The following STK39 variants were observed in gnomAD, a reference collection of about 807,000 sequenced individuals.
The protein encoded by STK39 is serine/threonine kinase 39.
A neutral mutation model predicts 77.8 loss-of-function variants in STK39; 20 were observed. The ratio of observed to expected loss-of-function variants is 0.26; its 90% CI spans 0.18 to 0.37. The LOEUF (loss-of-function observed/expected upper bound fraction) is 0.37, where lower values mean the gene tolerates loss of function less well. Ranked by LOEUF, STK39 falls within the 10% of genes least tolerant of loss-of-function variation. The probability of loss-of-function intolerance (pLI) is 1.00; values close to 1 mark genes in which losing one functional copy is unlikely to be tolerated. For synonymous variants in STK39, 246 were observed against 234.1 expected (o/e 1.05, Z -0.47); for missense variants, 479 against 656.5 (o/e 0.73, Z 2.95).
intron 1 of STK39, among the ~76,000 whole-genome samples, chr2:168,223,751 T>A (rs1690236466): frequency 6.6e-6 from 1 of 151,998 alleles, no homozygotes; most frequent in Non-Finnish European, 1.5e-5. Context: ...CTCGCAGGAA[T>A]GAGGAACGGA....
At chr2:168,170,701 C>T (rs1688801910) in intron 2 of STK39, among the ~76,000 whole-genome samples, 1 of 152,168 alleles carries the variant, frequency 6.6e-6, no homozygotes, top group African/African-American at 2.4e-5. Context: ...AGGAGGGACA[C>T]AGACGACTGC....
Position 168,061,797 on chromosome 2 carries a change from T to C in STK39, c.1376+1703A>G, listed in dbSNP as rs185083982. Among the ~76,000 whole-genome samples the C allele has an allele frequency of 1.6e-3, 241 of 152,074 alleles. 2 individuals are homozygous for C. Among genetic ancestry groups the C allele is most frequent in the African/African-American group, 5.6e-3 (231 of 41,480 alleles). ...AATATACAAATGGCTCTCAGAAAAA[T>C]AAGGGAACACATTTGTCATATTGCT... is the stretch of plus-strand genomic sequence containing the variant. On this transcript the variant is annotated intron_variant, in intron 14 of 17. Coordinates refer to ENST00000355999, the MANE Select transcript of STK39 (RefSeq NM_013233.3).
At chr2:168,048,558 C>T (rs939251047) in intron 14 of STK39, among the ~76,000 whole-genome samples, 13 of 151,844 alleles carry the variant, frequency 8.6e-5, no homozygotes, top group Non-Finnish European at 1.8e-4. Flanking sequence ...ATGTTCTTGT[C>T]TCTCATGAAT....
intron 14 of STK39, among the ~76,000 whole-genome samples, chr2:168,024,799 T>G (rs1186772675): frequency 6.6e-6 from 1 of 152,232 alleles, no homozygotes; most frequent in Non-Finnish European, 1.5e-5. Flanking sequence ...AAGCAGGAAC[T>G]GCTCTTATCC....
chr2:168,075,749 C>T (rs1686062654), intron 10 of STK39, among the ~76,000 whole-genome samples: 1 of 151,926 alleles, frequency 6.6e-6, no homozygotes, highest in East Asian at 1.9e-4. Context: ...CTTGCAGAAC[C>T]TGACAATTAT....
At chr2:168,201,758 T>TAATCTGCCCTTCCTCACCCC (rs1689617839) in intron 1 of STK39, among the ~76,000 whole-genome samples, 2 of 152,064 alleles carry the variant, frequency 1.3e-5, no homozygotes, top group Non-Finnish European at 2.9e-5. Flanking sequence ...ACCCCCCTTC[T>TAATCTGCCCTTCCTCACCCC]AATCTGCCCT....
intron 1 of STK39, among the ~76,000 whole-genome samples, chr2:168,203,485 T>A (rs1310644283): frequency 1.3e-5 from 2 of 152,026 alleles, no homozygotes; most frequent in Non-Finnish European, 2.9e-5. Context: ...TCATTTTGCC[T>A]TGGTCATATA....
chr2:168,136,173 C>A (rs1468132236), intron 8 of STK39, among the ~76,000 whole-genome samples: 1 of 151,814 alleles, frequency 6.6e-6, no homozygotes, highest in African/African-American at 2.4e-5. Context: ...TCGAGATCAT[C>A]TTGGCCAACA....
At chr2:167,980,922 TTAAAG>T (rs4000940) in intron 16 of STK39, among the ~76,000 whole-genome samples, 5,503 of 151,976 alleles carry the variant, frequency 0.036, 344 homozygotes, top group African/African-American at 0.12. Flanking sequence ...TCCAAAACCT[TTAAAG>T]TAAAGGTTTA....
At chr2:168,127,970 G>A (rs1297813871) in intron 10 of STK39, among the ~76,000 whole-genome samples, 1 of 152,112 alleles carries the variant, frequency 6.6e-6, no homozygotes, top group African/African-American at 2.4e-5. Flanking sequence ...AGGCTGGGGG[G>A]CTCGGAAAGA....
chr2:168,235,193 A>G (rs1690568365), intron 1 of STK39, among the ~76,000 whole-genome samples: 2 of 152,062 alleles, frequency 1.3e-5, no homozygotes, highest in South Asian at 4.1e-4. Flanking sequence ...ATGTGCCACC[A>G]TGCCCAGCTA....
intron 10 of STK39, among the ~76,000 whole-genome samples, chr2:168,080,288 G>A (rs1686193880): frequency 6.6e-6 from 1 of 152,256 alleles, no homozygotes; most frequent in Non-Finnish European, 1.5e-5. Flanking sequence ...TTTTAAAAGG[G>A]AAACAGCATA....
At chr2:168,055,154 G>A (rs1331143409) in intron 14 of STK39, among the ~76,000 whole-genome samples, 4 of 152,084 alleles carry the variant, frequency 2.6e-5, no homozygotes, top group Non-Finnish European at 5.9e-5. Context: ...ACCTTTCAGG[G>A]AAAAAATTAA....
chr2:168,074,182 A>G (rs1686014795), intron 12 of STK39, among the ~76,000 whole-genome samples: 1 of 152,208 alleles, frequency 6.6e-6, no homozygotes, highest in South Asian at 2.1e-4. Context: ...GACAGGTACT[A>G]CATTTAATCA....
At chr2:168,101,296 G>GGCA (rs1686817822) in intron 10 of STK39, among the ~76,000 whole-genome samples, 2 of 152,102 alleles carry the variant, frequency 1.3e-5, no homozygotes, top group African/African-American at 4.8e-5. Flanking sequence ...CATGGCACAT[G>GGCA]TATACCTATG....
chr2:168,125,622 T>TTG (rs1437252730), intron 10 of STK39, among the ~76,000 whole-genome samples: 36 of 152,244 alleles, frequency 2.4e-4, no homozygotes, highest in Non-Finnish European at 4.9e-4. Context: ...AGATGATCCC[T>TTG]AAACAACACT....
intron 10 of STK39, among the ~76,000 whole-genome samples, chr2:168,101,827 A>G (rs1034836058): frequency 1.2e-4 from 19 of 152,204 alleles, no homozygotes; most frequent in Non-Finnish European, 2.1e-4. Flanking sequence ...GTAAAATGGG[A>G]ATGTCAATTG....
intron 5 of STK39, among the ~76,000 whole-genome samples, chr2:168,141,969 T>C (rs1338105169): frequency 6.6e-6 from 1 of 152,216 alleles, no homozygotes. Context: ...AATTTACTCA[T>C]ACTCCCAACA....
chr2:168,209,552 C>T (rs561469688), intron 1 of STK39, among the ~76,000 whole-genome samples: 16 of 152,022 alleles, frequency 1.1e-4, no homozygotes, highest in East Asian at 3.9e-4. Flanking sequence ...GGCACATGCC[C>T]GTAATCCCAG....
Sources: allele counts gnomAD v4.1 joint callset (sites outside exome capture counted in the v4.1 genomes callset), GRCh38; gene constraint gnomAD v4.1.1; transcripts MANE v1.5; gene names NCBI Gene and HGNC (gene_info 2026-07-23, HGNC 2026-07-21).